The following PRKAR1B variants were observed in gnomAD, a reference collection of about 807,000 sequenced individuals.
PRKAR1B encodes protein kinase cAMP-dependent type I regulatory subunit beta, also known as cAMP-dependent protein kinase type I-beta regulatory subunit.
In PRKAR1B, 22 loss-of-function variants were observed where a neutral mutation model predicts 46.5. The observed-to-expected ratio is 0.47, with a 90% CI of 0.34 to 0.68. PRKAR1B has a LOEUF of 0.68. PRKAR1B is among the 30% of genes least tolerant of loss of function. The pLI is 0.01. For missense variants in PRKAR1B, 445 were observed against 535.6 expected, an observed-to-expected ratio of 0.83 and a Z score of 1.67; for synonymous variants, 259 against 217.7, an observed-to-expected ratio of 1.19 and a Z score of -1.67.
intron 9 of PRKAR1B, among the ~76,000 whole-genome samples, chr7:563,530 C>T (rs1778936538): frequency 6.6e-6 from 1 of 152,256 alleles, no homozygotes; most frequent in South Asian, 2.1e-4. Context: ...CCTCTGCACG[C>T]TGGGTGTGTG....
chr7:579,502 C>T, intron 8 of PRKAR1B, 125 bp from the exon 9 acceptor site: 1 of 1,241,704 alleles, frequency 8.1e-7, no homozygotes, highest in South Asian at 1.4e-5. Context: ...AGCTCCGTGA[C>T]CAGTAAGCTG....
intron 4 of PRKAR1B, among the ~76,000 whole-genome samples, chr7:657,783 C>A (rs1231692673): frequency 6.6e-6 from 1 of 152,120 alleles, no homozygotes; most frequent in Non-Finnish European, 1.5e-5. Flanking sequence ...AGACGTAAAG[C>A]AGAAAATGTC....
Position 708,790 on chromosome 7 carries a change from ATTTTTTTT to A in PRKAR1B, c.177+2531_177+2538del, listed in dbSNP as rs367689443. 4.8e-3 allele frequency among the ~76,000 whole-genome samples: 633 copies of A among 131,776 alleles called. 5 individuals are homozygous for A. Among genetic ancestry groups the A allele is most frequent in the African/African-American group, 0.017 (609 of 35,178 alleles). 86.5% of individuals were successfully genotyped at this position (131,776 alleles called of 152,430 possible). ...GCATGAGTCACTGTGCCCGGCCCCAATTTTTTTTTTTTTTTTTTCTGAGACGGAGTCTC... is the reference window on the plus strand; with the variant it reads ...GCATGAGTCACTGTGCCCGGCCCCAATTTTTTTTTTCTGAGACGGAGTCTC... On this transcript the variant is annotated intron_variant, in intron 2 of 10. Coordinates refer to ENST00000537384, the MANE Select transcript of PRKAR1B (RefSeq NM_001164760.2).
intron 4 of PRKAR1B, among the ~76,000 whole-genome samples, chr7:627,441 C>T (rs1166722927): frequency 3.9e-5 from 6 of 152,160 alleles, no homozygotes; most frequent in Non-Finnish European, 5.9e-5. Flanking sequence ...ACACTGAGGC[C>T]GAGACTAACT....
chr7:674,523 G>A (rs1397267039), intron 4 of PRKAR1B, among the ~76,000 whole-genome samples: 2 of 150,510 alleles, frequency 1.3e-5, no homozygotes, highest in African/African-American at 5.0e-5. Flanking sequence ...GCCATGCCCA[G>A]CTACTCCAGC....
At chr7:720,417 C>A (rs1204758845) in intron 1 of PRKAR1B, among the ~76,000 whole-genome samples, 2 of 152,202 alleles carry the variant, frequency 1.3e-5, no homozygotes, top group African/African-American at 4.8e-5. Flanking sequence ...TATGGTATAT[C>A]TTGGTCTCTG....
At chr7:686,107 T>A (rs1779081618) in intron 2 of PRKAR1B, among the ~76,000 whole-genome samples, 1 of 152,080 alleles carries the variant, frequency 6.6e-6, no homozygotes, top group Admixed American at 6.6e-5. Context: ...GAGACCATCC[T>A]GGCTAACACA....
rs1325090684 is a variant in PRKAR1B, at chr7:580,230, C to CA, written c.770-854dup. 7.7e-3 allele frequency among the ~76,000 whole-genome samples: 804 copies of CA among 104,722 alleles called. 6 individuals carry two copies. Among genetic ancestry groups the CA allele is most frequent in the Middle Eastern group, 0.036 (6 of 168 alleles). The allele number at this position is 104,722 out of a possible 152,430, so 68.7% of individuals were successfully genotyped here. On this transcript the variant is annotated intron_variant, in intron 8 of 10. Transcript: ENST00000537384. ...TGGGAGACAGAGCAACACCCTGTCT[C>CA]AAAAAAAAAAAAAAAAGAAAAAAGA...
chr7:659,083 C>T (rs529595893), intron 4 of PRKAR1B, among the ~76,000 whole-genome samples: 15 of 142,268 alleles, frequency 1.1e-4, no homozygotes, highest in Non-Finnish European at 2.0e-4. Flanking sequence ...ATGTGCAGGA[C>T]GGCTCACAAA....
intron 4 of PRKAR1B, among the ~76,000 whole-genome samples, chr7:663,044 C>T (rs140425681): frequency 1.5e-3 from 232 of 152,132 alleles, no homozygotes; most frequent in African/African-American, 5.3e-3. Flanking sequence ...CACTCAGGAA[C>T]TTAGTCCCCC....
At chr7:662,151 G>C (rs1785616700) in intron 4 of PRKAR1B, among the ~76,000 whole-genome samples, 1 of 95,808 alleles carries the variant, frequency 1.0e-5, no homozygotes. Context: ...TCCCTCCATG[G>C]CACAGGTCCA....
chr7:621,648 G>C (rs1253973288), intron 4 of PRKAR1B, among the ~76,000 whole-genome samples: 2 of 152,332 alleles, frequency 1.3e-5, no homozygotes. Flanking sequence ...ATGCTTGTGT[G>C]GGGTGATGTC....
intron 9 of PRKAR1B, chr7:565,075 C>T (rs1477180110): frequency 1.3e-5 from 2 of 152,198 alleles, no homozygotes; most frequent in Non-Finnish European, 2.9e-5. Flanking sequence ...GTAAACCTAA[C>T]CACACGCTTC....
intron 7 of PRKAR1B, among the ~76,000 whole-genome samples, chr7:588,961 G>T (rs961442355): frequency 0.027 from 2 of 74 alleles, 1 homozygote; most frequent in Non-Finnish European, 0.053. Flanking sequence ...ATGGTGGTGA[G>T]GATAGTGACA....
intron 4 of PRKAR1B, among the ~76,000 whole-genome samples, chr7:674,528 T>A (rs1001166782): frequency 4.0e-5 from 6 of 150,596 alleles, no homozygotes; most frequent in Non-Finnish European, 4.4e-5. Context: ...GCCCAGCTAC[T>A]CCAGCCAAAC....
intron 4 of PRKAR1B, among the ~76,000 whole-genome samples, chr7:630,721 G>A (rs537587877): frequency 1.2e-3 from 190 of 152,222 alleles, no homozygotes; most frequent in Non-Finnish European, 2.4e-3. Context: ...ACCAAAGCTG[G>A]AGGCTCCCTC....
chr7:551,330 C>G, intron 10 of PRKAR1B, 59 bp downstream of exon 10: 1 of 1,509,348 alleles, frequency 6.6e-7, no homozygotes, highest in Non-Finnish European at 9.0e-7. Flanking sequence ...AGGCCCCTCC[C>G]GAGACCCCAA....
At chr7:693,918 T>G (rs1779582839) in intron 2 of PRKAR1B, among the ~76,000 whole-genome samples, 1 of 152,224 alleles carries the variant, frequency 6.6e-6, no homozygotes, top group Admixed American at 6.5e-5. Flanking sequence ...ATCTTATGTT[T>G]CATTTTTGCT....
chr7:613,402 C>T (rs965392830), intron 4 of PRKAR1B, among the ~76,000 whole-genome samples: 1 of 152,032 alleles, frequency 6.6e-6, no homozygotes, highest in African/African-American at 2.4e-5. Context: ...TTTAAAGCAA[C>T]CAAAAGAGGC....
Sources: allele counts gnomAD v4.1 joint callset (sites outside exome capture counted in the v4.1 genomes callset), GRCh38; gene constraint gnomAD v4.1.1; transcripts MANE v1.5; gene names NCBI Gene and HGNC (gene_info 2026-07-23, HGNC 2026-07-21).